Variants in RGS22 observed in about 807,000 individuals in gnomAD.
RGS22 encodes regulator of G protein signaling 22, also known as regulator of G-protein signaling 22.
RGS22 carries 148 observed loss-of-function variants against 172.9 expected under a neutral mutation model. That is an observed-to-expected ratio of 0.86 (90% CI 0.75 to 0.98). The LOEUF (loss-of-function observed/expected upper bound fraction) is 0.98, where lower values mean the gene tolerates loss of function less well. RGS22 is among the 50% of genes least tolerant of loss of function. RGS22 has a pLI of 0.00. For synonymous variants in RGS22, 458 were observed against 480.2 expected (o/e 0.95, Z 0.60); for missense variants, 1,347 against 1,440.8 (o/e 0.93, Z 1.05).
chr8:100,066,260 C>T lies in RGS22; in HGVS notation c.631G>A (p.Ala211Thr), dbSNP rs1457479099. 1 of 1,613,372 alleles carries T rather than the reference C, an allele frequency of 6.2e-7. No individual in the cohort carries two copies. Among genetic ancestry groups the T allele is most frequent in the Non-Finnish European group, 8.5e-7 (1 of 1,179,466 alleles). ...YTQTKDWFAL[A>T]KQSQQTVSTF... ...GATACTGTTTGCTGACTTTGTTTTG[C>T]TAATGCAAACCAATCTTTTGTTTGA... Residue 211 changes from alanine (A) to threonine (T), a missense_variant, in exon 7 of 28, where the codon GCA (alanine) becomes ACA (threonine). Ala to Thr is a moderately conservative substitution (Grantham distance 58, BLOSUM62 0). Transcript: ENST00000360863.
intron 13 of RGS22, among the ~76,000 whole-genome samples, chr8:100,039,518 A>G (rs1819880214): frequency 6.6e-6 from 1 of 151,806 alleles, no homozygotes; most frequent in Admixed American, 6.6e-5. Context: ...CTGGGATTAC[A>G]GGCATGCACC....
intron 14 of RGS22, among the ~76,000 whole-genome samples, chr8:100,031,223 T>C (rs550972699): frequency 6.6e-6 from 1 of 152,308 alleles, no homozygotes; most frequent in South Asian, 2.1e-4. Context: ...TTTACCCAGC[T>C]AGTAACTAGG....
At chr8:100,033,715 A>G (rs999175898) in intron 14 of RGS22, among the ~76,000 whole-genome samples, 1 of 147,756 alleles carries the variant, frequency 6.8e-6, no homozygotes, top group Non-Finnish European at 1.5e-5. Context: ...AATCCTCAAT[A>G]AAATAATGGC....
intron 14 of RGS22, among the ~76,000 whole-genome samples, chr8:100,036,480 C>A (rs1038853717): frequency 6.6e-6 from 1 of 152,150 alleles, no homozygotes; most frequent in African/African-American, 2.4e-5. Context: ...GTTCATGGGG[C>A]AATAAAACTT....
At chr8:100,022,929 T>A (rs1340953193) in intron 14 of RGS22, among the ~76,000 whole-genome samples, 1 of 151,900 alleles carries the variant, frequency 6.6e-6, no homozygotes, top group Non-Finnish European at 1.5e-5. Context: ...AGGGTTTTGT[T>A]ATGCTGCCCA....
intron 14 of RGS22, among the ~76,000 whole-genome samples, chr8:100,026,575 G>A (rs895412329): frequency 6.6e-6 from 1 of 152,186 alleles, no homozygotes; most frequent in Non-Finnish European, 1.5e-5. Flanking sequence ...GAAATAGAAG[G>A]AGAAACAACA....
At chr8:100,086,692 C>A (rs1053578665) in intron 3 of RGS22, among the ~76,000 whole-genome samples, 1 of 151,958 alleles carries the variant, frequency 6.6e-6, no homozygotes, top group Non-Finnish European at 1.5e-5. Context: ...CACATGTACA[C>A]CCCTGAATCT....
chr8:100,049,355 G>A (rs756826215), intron 10 of RGS22, among the ~76,000 whole-genome samples: 2 of 152,140 alleles, frequency 1.3e-5, no homozygotes, highest in Non-Finnish European at 2.9e-5. Flanking sequence ...ATTCCTTAGA[G>A]TATTTTCTGC....
rs1588907994 is a variant in RGS22, at chr8:99,986,096, G to A, written c.3180+1362C>T. ...AAATTAAAAATTAGCCAGGCATGGT[G>A]GTGCATGCCTGTACTCCCAGCTACT... On this transcript the variant is annotated intron_variant, in intron 21 of 27. Coordinates refer to ENST00000360863, the MANE Select transcript of RGS22 (RefSeq NM_015668.5). 5.9e-5 allele frequency among the ~76,000 whole-genome samples: 9 copies of A among 152,054 alleles called. No individual in the cohort carries two copies. In the South Asian group the frequency reaches 1.7e-3, roughly 28 times the overall value.
At chr8:100,064,461 T>A (rs1461067537) in intron 7 of RGS22, among the ~76,000 whole-genome samples, 1 of 151,024 alleles carries the variant, frequency 6.6e-6, no homozygotes, top group Admixed American at 6.6e-5. Flanking sequence ...AGACTCTGTC[T>A]CAAAAAAGAA....
chr8:100,035,712 T>C (rs1350990312), intron 14 of RGS22, among the ~76,000 whole-genome samples: 2 of 152,238 alleles, frequency 1.3e-5, no homozygotes, highest in Non-Finnish European at 2.9e-5. Flanking sequence ...CTAACCCAAA[T>C]GTCCATCAAT....
chr8:100,037,892 A>C (rs1434976302), intron 14 of RGS22, among the ~76,000 whole-genome samples: 2 of 152,208 alleles, frequency 1.3e-5, no homozygotes, highest in African/African-American at 4.8e-5. Context: ...GATATGGGCT[A>C]TGTAGGGGCT....
intron 16 of RGS22, chr8:100,004,625 G>A (rs1815482312): frequency 6.5e-6 from 1 of 153,220 alleles, no homozygotes; most frequent in Non-Finnish European, 1.5e-5. Context: ...AATTCATGAA[G>A]AGATTTACAA....
chr8:100,009,951 A>T (rs1588966789), intron 14 of RGS22, among the ~76,000 whole-genome samples: 1 of 152,352 alleles, frequency 6.6e-6, no homozygotes, highest in Middle Eastern at 3.4e-3. Context: ...ATCAATGGTT[A>T]TAATACAGGA....
intron 8 of RGS22, 22 bp from the exon 9 acceptor site, chr8:100,062,774 T>C (rs1464875683): frequency 6.4e-6 from 10 of 1,567,136 alleles, no homozygotes; most frequent in East Asian, 4.5e-5. Context: ...CACATTTCCA[T>C]ATATACACAC....
chr8:100,018,164 G>A (rs952782388), intron 14 of RGS22, among the ~76,000 whole-genome samples: 4 of 149,542 alleles, frequency 2.7e-5, no homozygotes, highest in South Asian at 4.2e-4. Flanking sequence ...TGCTTTCCCC[G>A]CACCTCTCTA....
chr8:100,047,463 C>T lies in RGS22; in HGVS notation c.1823G>A (p.Gly608Glu). 1.3e-6 allele frequency: 2 copies of T among 1,592,596 alleles called. No individual in the cohort carries two copies. The highest frequency in any genetic ancestry group is 1.8e-5 in the Admixed American group (1 of 54,808). Residue 608 changes from glycine (G) to glutamate (E), a missense_variant and splice_region_variant, in exon 11 of 28, where the codon GGG becomes GAG. Gly to Glu is a moderately conservative substitution (Grantham distance 98, BLOSUM62 -2). Transcript: ENST00000360863. ...GSSKDDVIEKGSKYMSESSKV... is the reference protein window; with the variant it reads ...GSSKDDVIEKESKYMSESSKV... The stretch of plus-strand genomic sequence containing the variant: ...TTAACACACAAAAAGTTGCACCTAC[C>T]CTTTCTCAATCACATCATCCTTAGA...
intron 20 of RGS22, among the ~76,000 whole-genome samples, chr8:99,989,911 TAG>T (rs1157177884): frequency 2.6e-5 from 4 of 151,460 alleles, no homozygotes; most frequent in Non-Finnish European, 5.9e-5. Context: ...TAGATATAGA[TAG>T]ATAGATAGAC....
chr8:100,060,421 T>TATATATATATATATATATATATATATAA, intron 9 of RGS22, among the ~76,000 whole-genome samples: 1 of 119,514 alleles, frequency 8.4e-6, no homozygotes. Context: ...TATATATATA[T>TATATATATATATATATATATATATATAA]ACACACACAC....
Sources: allele counts gnomAD v4.1 joint callset (sites outside exome capture counted in the v4.1 genomes callset), GRCh38; gene constraint gnomAD v4.1.1; transcripts MANE v1.5; gene names NCBI Gene and HGNC (gene_info 2026-07-23, HGNC 2026-07-21).